Variants in ABCC4 observed in about 807,000 individuals in gnomAD.
ABCC4 encodes the protein ATP binding cassette subfamily C member 4 (PEL blood group).
A neutral mutation model predicts 168.5 loss-of-function variants in ABCC4; 102 were observed. The observed-to-expected ratio is 0.61, with a 90% confidence interval of 0.52 to 0.71. The LOEUF (loss-of-function observed/expected upper bound fraction) is 0.71, where lower values mean the gene tolerates loss of function less well. ABCC4 is among the 30% of genes least tolerant of loss of function. ABCC4 has a pLI of 0.00. For synonymous variants in ABCC4, 617 were observed against 590.7 expected (o/e 1.04, Z -0.65); for missense variants, 1,402 against 1,605.8 (o/e 0.87, Z 2.17).
chr13:95,027,298 A>G (rs73555537), intron 30 of ABCC4, among the ~76,000 whole-genome samples: 4,756 of 152,134 alleles, frequency 0.031, 249 homozygotes, highest in African/African-American at 0.11. Flanking sequence ...TGGGTGGCAC[A>G]TTTCACTGTA....
At chr13:95,181,269 G>A (rs983976736) in intron 11 of ABCC4, among the ~76,000 whole-genome samples, 1 of 152,222 alleles carries the variant, frequency 6.6e-6, no homozygotes, top group African/African-American at 2.4e-5. Flanking sequence ...GACCACTGAG[G>A]ACACTATGGG....
At chr13:95,204,468 A>C (rs1193278302) in intron 8 of ABCC4, among the ~76,000 whole-genome samples, 1 of 152,082 alleles carries the variant, frequency 6.6e-6, no homozygotes, top group East Asian at 1.9e-4. Context: ...TTCTAGTGAT[A>C]GTGAGTTCTC....
chr13:95,291,009 A>AAAAAAAG (rs1394530639), intron 1 of ABCC4, among the ~76,000 whole-genome samples: 8 of 123,354 alleles, frequency 6.5e-5, no homozygotes, highest in Non-Finnish European at 1.4e-4. Flanking sequence ...AAAAAAAAAA[A>AAAAAAAG]AGAGGAAACC....
chr13:95,026,987 C>T (rs1335477606), intron 30 of ABCC4, among the ~76,000 whole-genome samples: 4 of 152,048 alleles, frequency 2.6e-5, no homozygotes, highest in Non-Finnish European at 5.9e-5. Flanking sequence ...ACGAGAAGAC[C>T]TTAGAGCAAA....
chr13:95,035,817 A>G (rs2032097501), intron 29 of ABCC4, among the ~76,000 whole-genome samples: 1 of 152,216 alleles, frequency 6.6e-6, no homozygotes, highest in South Asian at 2.1e-4. Context: ...CAGTTAGGCC[A>G]TATTTAGAGT....
intron 30 of ABCC4, among the ~76,000 whole-genome samples, chr13:95,029,979 T>TTGTC (rs1236541916): frequency 9.4e-4 from 99 of 105,034 alleles, no homozygotes; most frequent in African/African-American, 2.9e-3. Context: ...TCAGGACTTC[T>TTGTC]TGTCTATCTA....
chr13:95,266,847 G>A (rs1375785548), intron 1 of ABCC4, among the ~76,000 whole-genome samples: 1 of 139,358 alleles, frequency 7.2e-6, no homozygotes, highest in Non-Finnish European at 1.5e-5. Context: ...TTTTTGAGAT[G>A]GAGTTTCGCT....
At chr13:95,287,551 C>T (rs1255761213) in intron 1 of ABCC4, among the ~76,000 whole-genome samples, 3 of 151,802 alleles carry the variant, frequency 2.0e-5, no homozygotes, top group Non-Finnish European at 4.4e-5. Flanking sequence ...CACGCCATTG[C>T]ACTCCAGCCT....
At chr13:95,066,447 T>C (rs974435341) in intron 25 of ABCC4, among the ~76,000 whole-genome samples, 1 of 152,342 alleles carries the variant, frequency 6.6e-6, no homozygotes, top group Non-Finnish European at 1.5e-5. Context: ...GGAATTAGCT[T>C]TGTATTATTT....
At chr13:95,120,556 C>T (rs1025376995) in intron 19 of ABCC4, among the ~76,000 whole-genome samples, 1 of 117,798 alleles carries the variant, frequency 8.5e-6, no homozygotes, top group Non-Finnish European at 1.6e-5. Flanking sequence ...GGCGACAGAA[C>T]GAGACTCCGT....
intron 25 of ABCC4, among the ~76,000 whole-genome samples, chr13:95,066,475 C>G (rs2033550451): frequency 6.6e-6 from 1 of 151,944 alleles, no homozygotes; most frequent in Non-Finnish European, 1.5e-5. Context: ...CTGTGGTGTC[C>G]TGCAAAAAAA....
At chr13:95,282,294 G>A (rs2041145484) in intron 1 of ABCC4, among the ~76,000 whole-genome samples, 1 of 152,106 alleles carries the variant, frequency 6.6e-6, no homozygotes, top group African/African-American at 2.4e-5. Flanking sequence ...GGACTCCCTG[G>A]GTCAAGCTCT....
intron 14 of ABCC4, among the ~76,000 whole-genome samples, chr13:95,169,152 C>T (rs1041923268): frequency 4.1e-4 from 63 of 152,272 alleles, no homozygotes; most frequent in African/African-American, 1.4e-3. Flanking sequence ...TCAGAGAGCG[C>T]GGCCCTGCGG....
intron 19 of ABCC4, among the ~76,000 whole-genome samples, chr13:95,155,967 T>A (rs946703270): frequency 3.9e-5 from 6 of 152,208 alleles, no homozygotes; most frequent in African/African-American, 1.4e-4. Flanking sequence ...TCTGTTGGCG[T>A]GGAAGAAAAC....
chr13:95,031,045 T>C (rs1238981749), intron 30 of ABCC4, among the ~76,000 whole-genome samples: 1 of 152,242 alleles, frequency 6.6e-6, no homozygotes, highest in African/African-American at 2.4e-5. Flanking sequence ...AAATGAATTC[T>C]AATCTGTGAG....
At chr13:95,158,902 TC>T (rs1408188928) in intron 19 of ABCC4, among the ~76,000 whole-genome samples, 1 of 151,420 alleles carries the variant, frequency 6.6e-6, no homozygotes, top group African/African-American at 2.4e-5. Flanking sequence ...AGATCCCATC[TC>T]TTCAAAATAG....
At chr13:95,250,832 G>T (rs144072977) in intron 1 of ABCC4, among the ~76,000 whole-genome samples, 2 of 139,446 alleles carry the variant, frequency 1.4e-5, no homozygotes, top group South Asian at 2.3e-4. Flanking sequence ...ACAGTGGAGC[G>T]ATCAGAGCTC....
chr13:95,273,704 T>TGTGGGAGGGATCCA (rs2040898696), intron 1 of ABCC4, among the ~76,000 whole-genome samples: 5 of 152,048 alleles, frequency 3.3e-5, no homozygotes, highest in Non-Finnish European at 5.9e-5. Context: ...TCCCACATGT[T>TGTGGGAGGGATCCA]GTGGGAGGGA....
At chr13:95,170,855 G>A (rs1407807767) in intron 13 of ABCC4, among the ~76,000 whole-genome samples, 2 of 152,078 alleles carry the variant, frequency 1.3e-5, no homozygotes, top group Admixed American at 6.6e-5. Context: ...TTTCTGGGAA[G>A]GAGGCAATAA....
Sources: gnomAD v4.1 joint callset for allele counts (sites outside exome capture counted in the v4.1 genomes callset) on GRCh38, gnomAD v4.1.1 for gene constraint, MANE v1.5 for transcripts, NCBI Gene and HGNC (gene_info 2026-07-23, HGNC 2026-07-21) for gene names.